The following CMBL variants were observed in gnomAD, a reference collection of about 807,000 sequenced individuals.
CMBL encodes the protein carboxymethylenebutenolidase homolog (Pseudomonas).
Under a neutral mutation model 28.7 loss-of-function variants are expected in CMBL, and 17 were observed. The ratio of observed to expected loss-of-function variants is 0.59; its 90% CI spans 0.41 to 0.89. The LOEUF (loss-of-function observed/expected upper bound fraction) is 0.89. Ranked by LOEUF, CMBL falls within the 40% of genes least tolerant of loss-of-function variation. The pLI is 0.00. For missense variants in CMBL, 310 were observed against 298.5 expected (o/e 1.04, Z -0.28); for synonymous variants, 106 against 101.6 (o/e 1.04, Z -0.26).
chr5:10,295,720 G>T (rs970213249), intron 1 of CMBL, among the ~76,000 whole-genome samples: 1 of 152,178 alleles, frequency 6.6e-6, no homozygotes, highest in African/African-American at 2.4e-5. Flanking sequence ...AGCAGACATT[G>T]GATCTGCCAG....
chr5:10,299,947 C>G (rs2126561475), intron 1 of CMBL, among the ~76,000 whole-genome samples: 1 of 152,304 alleles, frequency 6.6e-6, no homozygotes, highest in Middle Eastern at 3.4e-3. Context: ...TGGAACCAAT[C>G]TAATTGACCA....
chr5:10,286,329 G>C, intron 4 of CMBL, 25 bp downstream of exon 4: 1 of 1,608,178 alleles, frequency 6.2e-7, no homozygotes, highest in African/African-American at 1.3e-5. Flanking sequence ...TCTGCATGGA[G>C]TAAAAATGCA....
chr5:10,291,666 C>CA (rs34862174), intron 1 of CMBL, among the ~76,000 whole-genome samples: 3,343 of 139,388 alleles, frequency 0.024, 53 homozygotes, highest in Non-Finnish European at 0.036. Flanking sequence ...GTCTCAAAAA[C>CA]AAAAAAAAAA....
At chr5:10,285,691 T>TC (rs10686093) in intron 4 of CMBL, among the ~76,000 whole-genome samples, 148 of 81,998 alleles carry the variant, frequency 1.8e-3, no homozygotes, top group Non-Finnish European at 4.1e-3. Flanking sequence ...TTTCTTTCTC[T>TC]TTCTTTTTCT....
intron 1 of CMBL, 95 bp from the exon 2 acceptor site, chr5:10,290,876 T>C (rs902883760): frequency 3.7e-5 from 35 of 941,192 alleles, no homozygotes; most frequent in Middle Eastern, 5.2e-4. Context: ...TAGAAAAAAA[T>C]TCATTTTAGC....
chr5:10,285,133 G>C (rs985223617), intron 4 of CMBL, among the ~76,000 whole-genome samples: 4 of 151,630 alleles, frequency 2.6e-5, no homozygotes, highest in Admixed American at 2.6e-4. Flanking sequence ...CCTCCTGAGA[G>C]GCTGGGACCA....
intron 1 of CMBL, among the ~76,000 whole-genome samples, chr5:10,293,100 A>G (rs1172557767): frequency 6.6e-6 from 1 of 152,244 alleles, no homozygotes; most frequent in African/African-American, 2.4e-5. Context: ...GCAAAACTTG[A>G]TACAATCAAT....
rs1292515826 is a variant in CMBL, at chr5:10,278,258, A to G, written c.*2195T>C. On this transcript the variant is annotated 3_prime_UTR_variant, in exon 6 of 6. Coordinates refer to ENST00000296658, the MANE Select transcript of CMBL (RefSeq NM_138809.4). Reference sequence around the variant, plus strand: ...CTTTCTCATACTAGAAGCAGGGATTAGTAACACAGTTTCCAGTTATACAAC... The same window carrying G: ...CTTTCTCATACTAGAAGCAGGGATTGGTAACACAGTTTCCAGTTATACAAC... Among the ~76,000 whole-genome samples the G allele has an allele frequency of 6.6e-6, 1 of 152,170 alleles. No individual in the cohort carries two copies. The highest frequency in any genetic ancestry group is 1.5e-5 in the Non-Finnish European group (1 of 68,020).
chr5:10,302,481 TA>T lies in CMBL; in HGVS notation c.-20+5143del, dbSNP rs60080220. On this transcript the variant is annotated intron_variant, in intron 1 of 5. Coordinates refer to ENST00000296658, the MANE Select transcript of CMBL (RefSeq NM_138809.4). ...CAACATGGCAAAACCTTGTCTCTAC[TA>T]AAAAAAAAAAAAAAAAATTAGCCAG... Among the ~76,000 whole-genome samples, 354 of 135,272 alleles carry T rather than the reference TA, an allele frequency of 2.6e-3. 4 individuals carry two copies. The highest frequency in any genetic ancestry group is 0.011 in the South Asian group (44 of 4,078). The allele number at this position is 135,272 out of a possible 152,430, so 88.7% of individuals were successfully genotyped here.
chr5:10,299,738 C>A (rs1233423091), intron 1 of CMBL, among the ~76,000 whole-genome samples: 1 of 151,192 alleles, frequency 6.6e-6, no homozygotes, highest in Non-Finnish European at 1.5e-5. Context: ...GTGGTCCCAG[C>A]TACTCAGGAG....
intron 4 of CMBL, among the ~76,000 whole-genome samples, chr5:10,284,528 CCAGA>C (rs1237409470): frequency 6.6e-6 from 1 of 152,144 alleles, no homozygotes; most frequent in African/African-American, 2.4e-5. Context: ...CCCCAAGTAC[CCAGA>C]CAACCATTCT....
intron 1 of CMBL, among the ~76,000 whole-genome samples, chr5:10,301,000 T>G (rs764886524): frequency 1.3e-5 from 2 of 151,712 alleles, no homozygotes; most frequent in Non-Finnish European, 2.9e-5. Context: ...CAACCAAAAA[T>G]ATACATTTTA....
In CMBL at chr5:10,278,312, C is replaced by T. The variant is rs1465405374; in HGVS notation, c.*2141G>A. Reference sequence around the variant, plus strand: ...TCACTGTTCCCCAAGGTGGTCGATCCAGACATCTGCCTTACAAAACCGCCT... The same window carrying T: ...TCACTGTTCCCCAAGGTGGTCGATCTAGACATCTGCCTTACAAAACCGCCT... On this transcript the variant is annotated 3_prime_UTR_variant, in exon 6 of 6. Transcript: ENST00000296658. Among the ~76,000 whole-genome samples the T allele has an allele frequency of 6.6e-6, 1 of 152,122 alleles. No individual in the cohort carries two copies. The highest frequency in any genetic ancestry group is 6.5e-5 in the Admixed American group (1 of 15,268).
intron 1 of CMBL, among the ~76,000 whole-genome samples, chr5:10,291,101 G>C (rs1057070423): frequency 6.6e-6 from 1 of 152,204 alleles, no homozygotes; most frequent in Non-Finnish European, 1.5e-5. Context: ...AGATGCTGAC[G>C]GGGCCCAGTG....
chr5:10,280,906 C>T (rs909622595), intron 5 of CMBL, among the ~76,000 whole-genome samples: 2 of 152,168 alleles, frequency 1.3e-5, no homozygotes, highest in East Asian at 1.9e-4. Flanking sequence ...CCGGAGAAGC[C>T]GGGATGACAG....
intron 1 of CMBL, among the ~76,000 whole-genome samples, chr5:10,304,589 T>G (rs13164729): frequency 0.13 from 19,251 of 152,172 alleles, 1,947 homozygotes; most frequent in African/African-American, 0.28. Context: ...GCTCTCTTTT[T>G]CCAAATTTAT....
In CMBL at chr5:10,279,535, C is replaced by T. The variant is rs1176684332; in HGVS notation, c.*918G>A. On this transcript the variant is annotated 3_prime_UTR_variant, in exon 6 of 6. Transcript: ENST00000296658. ...CTTGACCTGTCAGCTGGTCCTTGAACAGCTGTAGGTTTTTTTTTTTTTTTG... is the reference window on the plus strand; with the variant it reads ...CTTGACCTGTCAGCTGGTCCTTGAATAGCTGTAGGTTTTTTTTTTTTTTTG... 1.5e-5 allele frequency: 2 copies of T among 134,490 alleles called. No homozygotes were observed. Among genetic ancestry groups the T allele is most frequent in the Non-Finnish European group, 3.2e-5 (2 of 62,558 alleles). The allele number at this position is 134,490 out of a possible 1,614,324, so 8.3% of individuals were successfully genotyped here.
At chr5:10,290,440 A>G in intron 2 of CMBL, 108 bp downstream of exon 2, 1 of 872,002 alleles carries the variant, frequency 1.1e-6, no homozygotes, top group Non-Finnish European at 1.8e-6. Context: ...TCTAATGTAC[A>G]GTAGATACTG....
chr5:10,292,647 AC>A (rs1412766089), intron 1 of CMBL, among the ~76,000 whole-genome samples: 4 of 151,830 alleles, frequency 2.6e-5, no homozygotes, highest in Non-Finnish European at 5.9e-5. Flanking sequence ...ATATGGTGAA[AC>A]CCCCGTCTCT....
Sources: allele counts gnomAD v4.1 joint callset (sites outside exome capture counted in the v4.1 genomes callset), GRCh38; gene constraint gnomAD v4.1.1; transcripts MANE v1.5; gene names NCBI Gene and HGNC (gene_info 2026-07-23, HGNC 2026-07-21).